The following NEXMIF variants were observed in gnomAD, a reference collection of about 807,000 sequenced individuals.
NEXMIF encodes neurite extension and migration factor, also known as XLMR protein related to neurite extension.
NEXMIF carries 8 observed loss-of-function variants against 62.1 expected under a neutral mutation model. The ratio of observed to expected loss-of-function variants is 0.13; its 90% CI spans 0.08 to 0.23. The LOEUF (loss-of-function observed/expected upper bound fraction) is 0.23. Among genes scored for constraint, NEXMIF ranks in the 10% least tolerant of loss-of-function variants. The pLI, the probability that NEXMIF is intolerant of heterozygous loss-of-function variation, is 1.00. For synonymous variants in NEXMIF, 404 were observed against 416.6 expected, an observed-to-expected ratio of 0.97 and a Z score of 0.37; for missense variants, 976 against 1,113.3, an observed-to-expected ratio of 0.88 and a Z score of 1.75.
At chrX:74,811,359 G>C (rs1230963684) in intron 1 of NEXMIF, among the ~76,000 whole-genome samples, 1 of 111,388 alleles carries the variant, frequency 9.0e-6, no homozygotes, top group Non-Finnish European at 1.9e-5. Flanking sequence ...CCATCTGTAG[G>C]CTATGTGACG....
intron 1 of NEXMIF, among the ~76,000 whole-genome samples, chrX:74,779,924 T>C (rs962946529): frequency 9.0e-6 from 1 of 111,654 alleles, no homozygotes; most frequent in Non-Finnish European, 1.9e-5. Context: ...CCCTCAAAAA[T>C]ATTTCATTTG....
intron 1 of NEXMIF, among the ~76,000 whole-genome samples, chrX:74,786,367 C>A (rs1224899126): frequency 1.8e-5 from 2 of 111,101 alleles, no homozygotes; most frequent in Non-Finnish European, 3.8e-5. Flanking sequence ...TTTTCAAGAG[C>A]TGGAAAAAAC....
intron 1 of NEXMIF, among the ~76,000 whole-genome samples, chrX:74,877,593 C>A (rs1038653067): frequency 9.0e-6 from 1 of 111,634 alleles, no homozygotes; most frequent in African/African-American, 3.3e-5. Flanking sequence ...TGTTTTCCAA[C>A]TTGGTTCCAT....
At chrX:74,757,583 T>C (rs190475805) in intron 1 of NEXMIF, among the ~76,000 whole-genome samples, 1 of 112,286 alleles carries the variant, frequency 8.9e-6, no homozygotes, top group Admixed American at 9.5e-5. Context: ...TTGCCCATTT[T>C]AGACCATTGT....
intron 1 of NEXMIF, among the ~76,000 whole-genome samples, chrX:74,766,987 C>A (rs1250907459): frequency 2.7e-5 from 3 of 112,126 alleles, no homozygotes; most frequent in African/African-American, 9.7e-5. Flanking sequence ...GGAGAACAGA[C>A]TTTTCCATGA....
rs1339252242 is a variant in NEXMIF, at chrX:74,876,124, AT to A, written c.-48+48758del. Reference sequence around the variant, plus strand: ...ATCTTTCCTGCTTTCTCTTGTGGGCATTTAGTGCTATAAATTTCCCTCCACA... The same window carrying A: ...ATCTTTCCTGCTTTCTCTTGTGGGCATTAGTGCTATAAATTTCCCTCCACA... On this transcript the variant is annotated intron_variant, in intron 1 of 3. Coordinates refer to ENST00000055682, the MANE Select transcript of NEXMIF (RefSeq NM_001008537.3). Among the ~76,000 whole-genome samples, 4 of 110,861 alleles carry A rather than the reference AT, an allele frequency of 3.6e-5. No homozygotes were observed. The South Asian group carries it at 1.6e-3, about 43-fold the overall frequency.
chrX:74,915,001 G>T (rs762270302), intron 1 of NEXMIF, among the ~76,000 whole-genome samples: 1 of 112,253 alleles, frequency 8.9e-6, no homozygotes, highest in Admixed American at 9.5e-5. Flanking sequence ...TTTAGATATG[G>T]AAAATATATT....
chrX:74,868,905 A>G (rs1163293272), intron 1 of NEXMIF, among the ~76,000 whole-genome samples: 1 of 111,855 alleles, frequency 8.9e-6, no homozygotes, highest in East Asian at 2.8e-4. Context: ...CAAACATTTA[A>G]AGAAGAACTA....
chrX:74,856,475 C>T (rs867068817), intron 1 of NEXMIF, among the ~76,000 whole-genome samples: 7 of 110,929 alleles, frequency 6.3e-5, no homozygotes, highest in East Asian at 2.8e-4. Flanking sequence ...TGCCCAGAAG[C>T]GGAGGAGAGA....
chrX:74,852,086 A>G (rs1395390867), intron 1 of NEXMIF, among the ~76,000 whole-genome samples: 1 of 111,577 alleles, frequency 9.0e-6, no homozygotes, highest in Admixed American at 9.5e-5. Context: ...TCACCTGTAA[A>G]GACACATATA....
rs763992609 is a variant in NEXMIF at position 74,741,234 on chromosome X, C to T, written c.3323G>A (p.Ser1108Asn). ...FQEGVPGPLD[S>N]VEKIKWDCST... ...GCAGTCCCACTTGATTTTTTCCACA[C>T]TGTCCAATGGTCCTGGGACACCCTC... The change falls in exon 3 of 4, where the codon AGT becomes AAT. Residue 1108 changes from serine to asparagine, a missense_variant. Ser to Asn is a conservative substitution (Grantham distance 46). Around this residue, in one of 5 missense-constraint regions of NEXMIF, gnomAD observed 639 missense variants for 694.5 expected, o/e 0.92. Coordinates refer to ENST00000055682, the MANE Select transcript of NEXMIF (RefSeq NM_001008537.3). 5.0e-6 allele frequency: 6 copies of T among 1,209,497 alleles called. No homozygotes were observed. The African/African-American group carries it at 8.8e-5, about 18-fold the overall frequency.
chrX:74,790,323 C>A, intron 1 of NEXMIF, among the ~76,000 whole-genome samples: 1 of 112,505 alleles, frequency 8.9e-6, no homozygotes, highest in East Asian at 2.7e-4. Context: ...CTGTTCTGTT[C>A]CATTGATCTA....
chrX:74,740,230 T>C lies in NEXMIF; in HGVS notation c.4327A>G (p.Thr1443Ala). Residue 1443 changes from threonine (T) to alanine (A), a missense_variant, in exon 3 of 4, where the codon ACA becomes GCA. By Grantham distance (58) the Thr-to-Ala change is moderately conservative. Around this residue, in one of 5 missense-constraint regions of NEXMIF, gnomAD observed 137 missense variants for 128.9 expected, o/e 1.06. Coordinates refer to ENST00000055682, the MANE Select transcript of NEXMIF (RefSeq NM_001008537.3). Reference protein sequence around the residue: ...NMSTLGNNGPTHKKLYRHKSS... With the variant: ...NMSTLGNNGPAHKKLYRHKSS... The stretch of plus-strand genomic sequence containing the variant: ...TTGTGACGATACAACTTTTTGTGTG[T>C]CGGTCCGTTATTGCCTAAAGTGCTC... The C allele has an allele frequency of 8.3e-7, 1 of 1,211,597 alleles. No individual in the cohort carries two copies. Among genetic ancestry groups the C allele is most frequent in the Non-Finnish European group, 1.1e-6 (1 of 895,495 alleles).
intron 1 of NEXMIF, among the ~76,000 whole-genome samples, chrX:74,816,561 A>G (rs1236018673): frequency 8.9e-6 from 1 of 112,192 alleles, no homozygotes; most frequent in Non-Finnish European, 1.9e-5. Flanking sequence ...AAGATAATGA[A>G]TAAGCAAACA....
rs2147440935 is a variant in NEXMIF at position 74,743,082 on chromosome X, T to A, written c.1475A>T (p.Tyr492Phe). The A allele has an allele frequency of 8.3e-7, 1 of 1,210,553 alleles. No homozygotes were observed. The highest frequency in any genetic ancestry group is 1.1e-6 in the Non-Finnish European group (1 of 894,797). Residue 492 changes from tyrosine (Y) to phenylalanine (F), a missense_variant, in exon 3 of 4, where the codon TAT (tyrosine) becomes TTT (phenylalanine). Tyr to Phe is a conservative substitution (Grantham distance 22). Transcript: ENST00000055682. ...CTCTAGTGAGTCAACATCATATAGA[T>A]AATCTTCACTGTATCTGACTTTTCT... ...AKRKVRYSED[Y>F]LYDVDSLEGE...
chrX:74,817,918 C>CA (rs1170338227), intron 1 of NEXMIF, among the ~76,000 whole-genome samples: 14 of 110,082 alleles, frequency 1.3e-4, no homozygotes, highest in African/African-American at 4.6e-4. Flanking sequence ...AAGATCTATA[C>CA]AAAAAAATGA....
intron 1 of NEXMIF, among the ~76,000 whole-genome samples, chrX:74,885,194 G>A (rs1311926789): frequency 1.5e-4 from 17 of 111,104 alleles, no homozygotes; most frequent in African/African-American, 5.6e-4. Flanking sequence ...AGAGAAAGCA[G>A]GAAAGATCTG....
chrX:74,920,952 AT>A (rs1486265720), intron 1 of NEXMIF, among the ~76,000 whole-genome samples: 2 of 111,392 alleles, frequency 1.8e-5, no homozygotes, highest in African/African-American at 6.5e-5. Flanking sequence ...GAAGCTGAAA[AT>A]TTTTTTAATG....
intron 1 of NEXMIF, among the ~76,000 whole-genome samples, chrX:74,789,405 T>C (rs1241596195): frequency 9.3e-6 from 1 of 108,009 alleles, no homozygotes; most frequent in Non-Finnish European, 1.9e-5. Flanking sequence ...TCCAAGTCTT[T>C]GCTATTGTGA....
Sources: allele counts gnomAD v4.1 joint callset (sites outside exome capture counted in the v4.1 genomes callset), GRCh38; gene constraint gnomAD v4.1.1; regional missense constraint gnomAD v4.1.1; transcripts MANE v1.5; gene names NCBI Gene and HGNC (gene_info 2026-07-23, HGNC 2026-07-21).